MYO18B: variants seen among roughly 807,000 people sequenced by gnomAD.
MYO18B encodes the protein unconventional myosin-XVIIIb.
MYO18B carries 204 observed loss-of-function variants against 273.0 expected under a neutral mutation model. The ratio of observed to expected loss-of-function variants is 0.75; its 90% CI spans 0.67 to 0.84. The LOEUF (loss-of-function observed/expected upper bound fraction) is 0.84, where lower values mean the gene tolerates loss of function less well. Ranked by LOEUF, MYO18B falls within the 40% of genes least tolerant of loss-of-function variation. MYO18B has a pLI of 0.00. For missense variants in MYO18B, 3,212 were observed against 3,287.6 expected, an observed-to-expected ratio of 0.98 and a Z score of 0.56; for synonymous variants, 1,330 against 1,305.7, an observed-to-expected ratio of 1.02 and a Z score of -0.40.
chr22:25,823,711 G>GC, intron 13 of MYO18B, 33 bp downstream of exon 13: 1 of 1,610,414 alleles, frequency 6.2e-7, no homozygotes, highest in Non-Finnish European at 8.5e-7. Context: ...GGTGAGCTGG[G>GC]CCCCCCTCTG....
intron 12 of MYO18B, among the ~76,000 whole-genome samples, chr22:25,804,349 C>A (rs2145794384): frequency 6.6e-6 from 1 of 152,270 alleles, no homozygotes; most frequent in Admixed American, 6.5e-5. Flanking sequence ...AATAGGGGAG[C>A]AATGATTCCC....
chr22:25,949,901 A>G (rs2092771225), intron 36 of MYO18B, among the ~76,000 whole-genome samples: 1 of 152,200 alleles, frequency 6.6e-6, no homozygotes, highest in South Asian at 2.1e-4. Flanking sequence ...CCACTGCTTA[A>G]TTTGATCTCT....
chr22:26,040,671 C>G, the MYO18B span, among the ~76,000 whole-genome samples: 1 of 152,158 alleles, frequency 6.6e-6, no homozygotes, highest in African/African-American at 2.4e-5. Context: ...GTGAAGCAAC[C>G]AGCCTTGTCT....
In MYO18B at chr22:25,921,330, A is replaced by G. The variant is rs774845845; in HGVS notation, c.5438A>G (p.Asp1813Gly). 27 of 1,577,668 alleles carry G rather than the reference A, an allele frequency of 1.7e-5. No individual in the cohort carries two copies. The African/African-American group carries it at 3.1e-4, about 18-fold the overall frequency. ...DLRRTHALLS[D>G]VQLLLGTMED... ...AGGAGGACACATGCACTGTTGTCAGACGTGCAGCTCCTTCTGGGCACCATG... is the reference window on the plus strand; with the variant it reads ...AGGAGGACACATGCACTGTTGTCAGGCGTGCAGCTCCTTCTGGGCACCATG... Residue 1813 changes from aspartate (D) to glycine (G), a missense_variant, in exon 34 of 44, where the codon GAC becomes GGC. Asp to Gly is a moderately conservative substitution (Grantham distance 94, BLOSUM62 -1). Coordinates refer to ENST00000335473, the MANE Select transcript of MYO18B (RefSeq NM_032608.7).
In MYO18B at chr22:25,908,346, A is replaced by G. The variant is rs758029769; in HGVS notation, c.5173A>G (p.Ile1725Val). The G allele has an allele frequency of 6.3e-7, 1 of 1,595,052 alleles. No homozygotes were observed. Among genetic ancestry groups the G allele is most frequent in the Non-Finnish European group, 8.5e-7 (1 of 1,171,048 alleles). Residue 1725 changes from isoleucine (I) to valine (V), a missense_variant, in exon 32 of 44, where the codon ATC becomes GTC. Transcript: ENST00000335473. ...EQLRQRFELEIERMKQMHQKD... is the reference protein window; with the variant it reads ...EQLRQRFELEVERMKQMHQKD... ...GCTCCGCCAGCGGTTTGAGCTGGAGATCGAGCGGATGAAGCAGATGCACCA... is the reference window on the plus strand; with the variant it reads ...GCTCCGCCAGCGGTTTGAGCTGGAGGTCGAGCGGATGAAGCAGATGCACCA...
At chr22:25,791,707 A>G (rs935782741) in intron 11 of MYO18B, among the ~76,000 whole-genome samples, 1 of 152,096 alleles carries the variant, frequency 6.6e-6, no homozygotes, top group Non-Finnish European at 1.5e-5. Context: ...CCTTGGCCCG[A>G]GGCACATTTA....
chr22:25,791,034 T>C (rs950671651), intron 11 of MYO18B, among the ~76,000 whole-genome samples: 3 of 152,236 alleles, frequency 2.0e-5, no homozygotes, highest in Non-Finnish European at 4.4e-5. Context: ...GGATATTTAT[T>C]GATCTTATTA....
chr22:25,789,636 G>GA (rs34025331), intron 11 of MYO18B, among the ~76,000 whole-genome samples: 15,839 of 148,442 alleles, frequency 0.11, 1,414 homozygotes, highest in African/African-American at 0.24. Flanking sequence ...ACTGTCTCAA[G>GA]AAAAAAAAAA....
intron 28 of MYO18B, chr22:25,897,305 C>A (rs1228647503): frequency 6.6e-6 from 1 of 152,160 alleles, no homozygotes; most frequent in Non-Finnish European, 1.5e-5. Flanking sequence ...GATTGCCTTG[C>A]AGAGGTGGGC....
intron 42 of MYO18B, among the ~76,000 whole-genome samples, chr22:26,015,096 A>G (rs777225057): frequency 1.3e-5 from 2 of 152,174 alleles, no homozygotes; most frequent in Non-Finnish European, 2.9e-5. Flanking sequence ...TTTGGTTGCA[A>G]TTGCTTTTGG....
chr22:25,822,890 G>A (rs574088005), intron 12 of MYO18B, among the ~76,000 whole-genome samples: 1 of 152,312 alleles, frequency 6.6e-6, no homozygotes, highest in South Asian at 2.1e-4. Flanking sequence ...TACAATGTGT[G>A]GAATTTACAG....
chr22:25,880,895 G>C (rs1194679812), intron 25 of MYO18B, among the ~76,000 whole-genome samples: 2 of 152,256 alleles, frequency 1.3e-5, no homozygotes, highest in African/African-American at 4.8e-5. Flanking sequence ...TCTATATGCA[G>C]ATCTGGTGGA....
chr22:25,902,171 A>T (rs1228079611), intron 29 of MYO18B, among the ~76,000 whole-genome samples: 1 of 151,950 alleles, frequency 6.6e-6, no homozygotes, highest in Middle Eastern at 3.4e-3. Flanking sequence ...CTATATCTGT[A>T]TATAGTTTTA....
intron 12 of MYO18B, among the ~76,000 whole-genome samples, chr22:25,807,231 A>C (rs1411806728): frequency 1.3e-5 from 2 of 152,218 alleles, no homozygotes; most frequent in Non-Finnish European, 2.9e-5. Flanking sequence ...CTCTCAGCTC[A>C]GTGCTCTTTA....
chr22:25,971,626 C>T (rs1232707928), intron 39 of MYO18B, among the ~76,000 whole-genome samples: 1 of 152,198 alleles, frequency 6.6e-6, no homozygotes. Flanking sequence ...CTGTTCCTAC[C>T]AGTGCCTTCC....
At chr22:25,856,112 A>C (rs534728426) in intron 21 of MYO18B, among the ~76,000 whole-genome samples, 14 of 152,296 alleles carry the variant, frequency 9.2e-5, no homozygotes, top group Admixed American at 9.2e-4. Context: ...ATGAGCTGCC[A>C]TACAGTTTTT....
At chr22:26,009,498 C>A (rs917762779) in intron 42 of MYO18B, among the ~76,000 whole-genome samples, 4 of 152,108 alleles carry the variant, frequency 2.6e-5, no homozygotes, top group African/African-American at 9.7e-5. Context: ...TAATAGGTAC[C>A]ATCTTCACTT....
At chr22:26,038,333 G>A in the MYO18B span, among the ~76,000 whole-genome samples, 40 of 152,246 alleles carry the variant, frequency 2.6e-4, no homozygotes, top group East Asian at 2.7e-3. Context: ...CACCATAGGC[G>A]AGCTGTATGG....
In MYO18B at chr22:25,798,004, A is replaced by C. The variant is rs756256936; in HGVS notation, c.2428A>C (p.Met810Leu). 1 of 1,613,838 alleles carries C rather than the reference A, an allele frequency of 6.2e-7. No individual in the cohort carries two copies. Among genetic ancestry groups the C allele is most frequent in the African/African-American group, 1.3e-5 (1 of 74,922 alleles). ...TGCCTTTGCCCAGCTCCAGGGTGCC[A>C]TGGAGATGCTCGGCATCTCAGAGAG... ...AAAFAQLQGA[M>L]EMLGISESEQ... is the part of the protein sequence containing the mutation. The change falls in exon 12 of 44, where the codon ATG (methionine) becomes CTG (leucine). Residue 810 changes from methionine (M) to leucine (L), a missense_variant. Physicochemically the swap from Met to Leu is conservative, Grantham distance 15. Transcript: ENST00000335473.
Sources: allele counts gnomAD v4.1 joint callset (sites outside exome capture counted in the v4.1 genomes callset), GRCh38; gene constraint gnomAD v4.1.1; transcripts MANE v1.5; gene names NCBI Gene and HGNC (gene_info 2026-07-23, HGNC 2026-07-21).